The following ATP8B1 variants were observed in gnomAD, a reference collection of about 807,000 sequenced individuals.
ATP8B1 encodes phospholipid-transporting ATPase IC.
In ATP8B1, 80 loss-of-function variants were observed where a neutral mutation model predicts 149.9. That is an observed-to-expected ratio of 0.53 (90% CI 0.45 to 0.64). The LOEUF is 0.64. ATP8B1 is among the 30% of genes least tolerant of loss of function. The pLI is 0.00. For synonymous variants in ATP8B1, 536 were observed against 562.8 expected, an observed-to-expected ratio of 0.95 and a Z score of 0.67; for missense variants, 1,247 against 1,552.6, an observed-to-expected ratio of 0.80 and a Z score of 3.31.
chr18:57,660,601 C>A (rs1910325268), intron 22 of ATP8B1, among the ~76,000 whole-genome samples: 1 of 152,220 alleles, frequency 6.6e-6, no homozygotes, highest in South Asian at 2.1e-4. Context: ...TCACTGTAAC[C>A]TCCGCCTCCT....
rs541383675 is a variant in ATP8B1 at position 57,744,878 on chromosome 18, A to T, written c.-25-13046T>A. 1.8e-4 allele frequency among the ~76,000 whole-genome samples: 27 copies of T among 152,378 alleles called. No individual in the cohort carries two copies. In the South Asian group the frequency reaches 2.3e-3, roughly 13 times the overall value. ...ATATAAACTTTGAAACTTTTGATCT[A>T]CAGAGAGACAACTTATATTCCCCAT... On this transcript the variant is annotated intron_variant, in intron 1 of 27. Transcript: ENST00000648908.
intron 2 of ATP8B1, among the ~76,000 whole-genome samples, chr18:57,717,895 G>A (rs1237032342): frequency 2.6e-5 from 4 of 151,370 alleles, no homozygotes; most frequent in Non-Finnish European, 5.9e-5. Flanking sequence ...ATAGGCATGT[G>A]CCACCACACC....
chr18:57,728,199 G>A (rs755976947), intron 2 of ATP8B1, among the ~76,000 whole-genome samples: 7 of 152,216 alleles, frequency 4.6e-5, no homozygotes, highest in Non-Finnish European at 8.8e-5. Context: ...AAAGAAACTA[G>A]CGCAGTTCAG....
chr18:57,781,571 C>A (rs532937276), intron 1 of ATP8B1, among the ~76,000 whole-genome samples: 4 of 152,276 alleles, frequency 2.6e-5, no homozygotes, highest in African/African-American at 9.6e-5. Context: ...TTAATATATT[C>A]ATTAATTGAT....
intron 4 of ATP8B1, 54 bp downstream of exon 4, chr18:57,704,501 A>AATGTTATCGAGTCACT: frequency 8.4e-7 from 1 of 1,189,832 alleles, no homozygotes; most frequent in Non-Finnish European, 1.2e-6. Context: ...CTACAGCTTA[A>AATGTTATCGAGTCACT]ATGTTATCGA....
At chr18:57,691,674 C>G (rs993410820) in intron 12 of ATP8B1, 133 bp downstream of exon 12, 26 of 1,199,582 alleles carry the variant, frequency 2.2e-5, no homozygotes, top group Non-Finnish European at 2.9e-5. Context: ...ACCCTCAATT[C>G]TGAAATGAAC....
intron 12 of ATP8B1, 116 bp from the exon 13 acceptor site, chr18:57,688,623 A>T: frequency 9.7e-7 from 1 of 1,028,650 alleles, no homozygotes; most frequent in Non-Finnish European, 1.5e-6. Context: ...CTATGGTCTG[A>T]ATGTTAGAAT....
chr18:57,779,821 C>T (rs2080342063), intron 1 of ATP8B1, among the ~76,000 whole-genome samples: 1 of 150,314 alleles, frequency 6.7e-6, no homozygotes, highest in African/African-American at 2.4e-5. Context: ...TGCTTGAAAA[C>T]TGGAAGACAG....
At chr18:57,775,690 G>C (rs898893871) in intron 1 of ATP8B1, among the ~76,000 whole-genome samples, 3 of 148,164 alleles carry the variant, frequency 2.0e-5, no homozygotes, top group African/African-American at 7.5e-5. Context: ...TGTTGCCCAG[G>C]CTGGAGTGCA....
At chr18:57,733,623 G>A (rs1022531078) in intron 1 of ATP8B1, among the ~76,000 whole-genome samples, 7 of 150,110 alleles carry the variant, frequency 4.7e-5, no homozygotes, top group Non-Finnish European at 8.8e-5. Flanking sequence ...GGAGAATGGC[G>A]TGAACCCGGG....
At position 57,770,002 on chromosome 18, in the gene ATP8B1, G is replaced by C. The variant is rs531333799; in HGVS notation, c.-26+32996C>G. Among the ~76,000 whole-genome samples, 8 of 151,400 alleles carry C rather than the reference G, an allele frequency of 5.3e-5. No homozygotes were observed. In the South Asian group the frequency reaches 1.7e-3, roughly 32 times the overall value. ...TCTCACAAGTGTGCGGTAGAGTCCA[G>C]ATTAAAACCCAGCCAGCCCAGCATC... On this transcript the variant is annotated intron_variant, in intron 1 of 27. Coordinates refer to ENST00000648908, the MANE Select transcript of ATP8B1 (RefSeq NM_001374385.1).
chr18:57,717,479 C>T (rs555719582), intron 2 of ATP8B1, among the ~76,000 whole-genome samples: 3 of 114,946 alleles, frequency 2.6e-5, no homozygotes, highest in Admixed American at 1.1e-4. Context: ...ACCCGGGAGG[C>T]GGAGCTTGCA....
intron 24 of ATP8B1, among the ~76,000 whole-genome samples, chr18:57,653,460 T>A (rs952227359): frequency 6.6e-6 from 1 of 151,724 alleles, no homozygotes; most frequent in Admixed American, 6.6e-5. Flanking sequence ...AATTTTTAAA[T>A]TTTTCTGTAG....
chr18:57,789,655 A>G (rs117317584), intron 1 of ATP8B1, among the ~76,000 whole-genome samples: 2,361 of 152,280 alleles, frequency 0.016, 39 homozygotes, highest in Middle Eastern at 0.027. Context: ...CACATCTGAG[A>G]ACGTTTTGAG....
At chr18:57,692,197 T>A (rs1912568416) in intron 11 of ATP8B1, among the ~76,000 whole-genome samples, 200 bp from the exon 12 acceptor site, 1 of 152,198 alleles carries the variant, frequency 6.6e-6, no homozygotes, top group Non-Finnish European at 1.5e-5. Context: ...TGATGTATCC[T>A]ACATCTCCCA....
At chr18:57,676,082 T>C (rs542779486) in intron 15 of ATP8B1, among the ~76,000 whole-genome samples, 7 of 152,370 alleles carry the variant, frequency 4.6e-5, no homozygotes, top group African/African-American at 9.6e-5. Flanking sequence ...TTAAAACTCA[T>C]TGGTATACAA....
chr18:57,706,242 G>A (rs1913384553), intron 3 of ATP8B1, among the ~76,000 whole-genome samples: 1 of 152,092 alleles, frequency 6.6e-6, no homozygotes, highest in Non-Finnish European at 1.5e-5. Context: ...ATTTCTAAGA[G>A]AGCTTAAAAT....
intron 26 of ATP8B1, among the ~76,000 whole-genome samples, 175 bp from the exon 27 acceptor site, chr18:57,650,672 G>C (rs167603): frequency 1.3e-5 from 2 of 151,694 alleles, no homozygotes; most frequent in Admixed American, 6.6e-5. Context: ...GTGAAACCCC[G>C]TCTCTACTAA....
At chr18:57,764,411 CTCTTTCTCTCTTTCTT>C in intron 1 of ATP8B1, among the ~76,000 whole-genome samples, 1 of 122,502 alleles carries the variant, frequency 8.2e-6, no homozygotes, top group East Asian at 2.2e-4. Context: ...CTTTCTTTCT[CTCTTTCTCTCTTTCTT>C]TCTTTCTTTC....
Sources: allele counts gnomAD v4.1 joint callset (sites outside exome capture counted in the v4.1 genomes callset), GRCh38; gene constraint gnomAD v4.1.1; transcripts MANE v1.5; gene names NCBI Gene and HGNC (gene_info 2026-07-23, HGNC 2026-07-21).